Variants in FNDC3B observed in about 807,000 individuals in gnomAD.
FNDC3B encodes fibronectin type III domain-containing protein 3B.
A neutral mutation model predicts 151.5 loss-of-function variants in FNDC3B; 12 were observed. The observed-to-expected ratio is 0.08, with a 90% CI of 0.05 to 0.13. The LOEUF (loss-of-function observed/expected upper bound fraction) is 0.13, where lower values mean the gene tolerates loss of function less well. Among genes scored for constraint, FNDC3B ranks in the 10% least tolerant of loss-of-function variants. FNDC3B has a pLI of 1.00. For synonymous variants in FNDC3B, 528 were observed against 549.0 expected, an observed-to-expected ratio of 0.96 and a Z score of 0.54; for missense variants, 1,214 against 1,505.3, an observed-to-expected ratio of 0.81 and a Z score of 3.20.
chr3:172,397,143 A>G (rs1384792113), intron 25 of FNDC3B, 21 bp from the exon 26 acceptor site: 1 of 1,569,580 alleles, frequency 6.4e-7, no homozygotes, highest in Non-Finnish European at 8.6e-7. Flanking sequence ...TTAATTAACT[A>G]GGACTCTTCT....
At chr3:172,174,550 T>G (rs1384590807) in intron 3 of FNDC3B, among the ~76,000 whole-genome samples, 8 of 152,166 alleles carry the variant, frequency 5.3e-5, no homozygotes, top group Admixed American at 1.3e-4. Context: ...GGTCCCTGAG[T>G]ATCTTTATGT....
intron 24 of FNDC3B, 141 bp downstream of exon 24, chr3:172,378,577 T>C: frequency 1.2e-6 from 1 of 813,160 alleles, no homozygotes; most frequent in Non-Finnish European, 1.8e-6. Context: ...GATTGAGCAA[T>C]GATGGGTTGT....
chr3:172,248,681 T>C, intron 5 of FNDC3B, among the ~76,000 whole-genome samples: 1 of 148,136 alleles, frequency 6.8e-6, no homozygotes, highest in East Asian at 1.9e-4. Context: ...TTAAGAATTA[T>C]ATATATATAA....
chr3:172,125,333 G>A (rs113387327), intron 2 of FNDC3B, among the ~76,000 whole-genome samples: 268 of 138,394 alleles, frequency 1.9e-3, no homozygotes, highest in Non-Finnish European at 2.9e-3. Context: ...GCCCCAGTCC[G>A]GGTCACAGCA....
chr3:172,192,009 T>TA (rs1724536285), intron 3 of FNDC3B, among the ~76,000 whole-genome samples: 1 of 152,126 alleles, frequency 6.6e-6, no homozygotes, highest in South Asian at 2.1e-4. Context: ...TTACCAGACC[T>TA]ATAATTTCTC....
chr3:172,267,053 T>C (rs1476828427), intron 6 of FNDC3B, among the ~76,000 whole-genome samples: 1 of 152,188 alleles, frequency 6.6e-6, no homozygotes, highest in East Asian at 1.9e-4. Flanking sequence ...AAAGGTACAA[T>C]AGCAGCAGCA....
intron 1 of FNDC3B, among the ~76,000 whole-genome samples, chr3:172,108,100 G>A (rs1333663926): frequency 2.0e-5 from 3 of 151,818 alleles, no homozygotes; most frequent in South Asian, 2.1e-4. Context: ...CCCAGGAGGC[G>A]GAGTTTGTGG....
intron 7 of FNDC3B, among the ~76,000 whole-genome samples, chr3:172,293,448 A>T (rs1315993993): frequency 1.3e-5 from 2 of 152,332 alleles, no homozygotes; most frequent in Non-Finnish European, 2.9e-5. Context: ...AACTCAGACT[A>T]TCTTATTTCC....
At chr3:172,119,041 G>A (rs1382978507) in intron 2 of FNDC3B, among the ~76,000 whole-genome samples, 1 of 151,672 alleles carries the variant, frequency 6.6e-6, no homozygotes, top group Non-Finnish European at 1.5e-5. Context: ...GTGGTGGTGG[G>A]CGCCTGTAGT....
At chr3:172,335,547 A>G (rs1001446968) in intron 15 of FNDC3B, 2 of 152,342 alleles carry the variant, frequency 1.3e-5, no homozygotes, top group African/African-American at 4.8e-5. Flanking sequence ...ACTTTAGCAT[A>G]CAGAACATTT....
chr3:172,045,782 C>A (rs1339986011), intron 1 of FNDC3B, among the ~76,000 whole-genome samples: 4 of 151,154 alleles, frequency 2.6e-5, no homozygotes, highest in African/African-American at 9.8e-5. Context: ...CTCTCTCTCT[C>A]TCTCTCTCTC....
chr3:172,383,601 G>T (rs1327597871), intron 25 of FNDC3B, among the ~76,000 whole-genome samples: 1 of 152,190 alleles, frequency 6.6e-6, no homozygotes, highest in African/African-American at 2.4e-5. Context: ...TGACCTGGTA[G>T]GTCTTGGGTG....
At chr3:172,272,827 TA>T (rs1560051105) in intron 6 of FNDC3B, among the ~76,000 whole-genome samples, 7 of 152,202 alleles carry the variant, frequency 4.6e-5, no homozygotes, top group Non-Finnish European at 8.8e-5. Flanking sequence ...GCAACTAGTG[TA>T]AAATGAAATT....
chr3:172,379,079 G>A (rs1735302015), intron 24 of FNDC3B, among the ~76,000 whole-genome samples: 4 of 152,186 alleles, frequency 2.6e-5, no homozygotes, highest in African/African-American at 9.7e-5. Context: ...CACCGGGTCT[G>A]CTGAGCCCTC....
intron 1 of FNDC3B, among the ~76,000 whole-genome samples, chr3:172,076,445 T>C (rs1225375328): frequency 6.6e-6 from 1 of 152,170 alleles, no homozygotes; most frequent in Non-Finnish European, 1.5e-5. Context: ...TCTGTACTGC[T>C]CAGTTGCACG....
At chr3:172,167,715 G>A (rs1031827714) in intron 3 of FNDC3B, among the ~76,000 whole-genome samples, 4 of 152,186 alleles carry the variant, frequency 2.6e-5, no homozygotes, top group South Asian at 2.1e-4. Flanking sequence ...GCAGGCAAAC[G>A]AGCATTACCA....
chr3:172,297,956 T>TA (rs1257395235), intron 8 of FNDC3B, among the ~76,000 whole-genome samples: 1 of 152,222 alleles, frequency 6.6e-6, no homozygotes, highest in Non-Finnish European at 1.5e-5. Context: ...TAATGCCTGT[T>TA]ATATTTTGAA....
chr3:172,323,578 A>G (rs1417576787), intron 11 of FNDC3B, among the ~76,000 whole-genome samples: 1 of 152,212 alleles, frequency 6.6e-6, no homozygotes, highest in Non-Finnish European at 1.5e-5. Flanking sequence ...TGTGGGGGGA[A>G]AAAGAAAAAG....
At chr3:172,292,225 G>C (rs990349310) in intron 7 of FNDC3B, among the ~76,000 whole-genome samples, 2 of 152,186 alleles carry the variant, frequency 1.3e-5, no homozygotes, top group African/African-American at 4.8e-5. Context: ...CTGGGTGTCA[G>C]GCTGCTTAGC....
Sources: gnomAD v4.1 joint callset for allele counts (sites outside exome capture counted in the v4.1 genomes callset) on GRCh38, gnomAD v4.1.1 for gene constraint, MANE v1.5 for transcripts, NCBI Gene and HGNC (gene_info 2026-07-23, HGNC 2026-07-21) for gene names.